Variants in PHLPP1 observed in about 807,000 individuals in gnomAD.
The protein encoded by PHLPP1 is PH domain leucine-rich repeat-containing protein phosphatase 1.
In PHLPP1, 42 loss-of-function variants were observed where a neutral mutation model predicts 117.2. The observed-to-expected ratio is 0.36, with a 90% CI of 0.28 to 0.46. The LOEUF (loss-of-function observed/expected upper bound fraction) is 0.46, where lower values mean the gene tolerates loss of function less well. Ranked by LOEUF, PHLPP1 falls within the 20% of genes least tolerant of loss-of-function variation. PHLPP1 has a pLI of 1.00. For missense variants in PHLPP1, 2,084 were observed against 2,241.9 expected, an observed-to-expected ratio of 0.93 and a Z score of 1.42; for synonymous variants, 1,042 against 970.7, an observed-to-expected ratio of 1.07 and a Z score of -1.37.
At chr18:62,942,889 GCT>G (rs961485372) in intron 11 of PHLPP1, among the ~76,000 whole-genome samples, 3 of 152,030 alleles carry the variant, frequency 2.0e-5, no homozygotes, top group Non-Finnish European at 2.9e-5. Flanking sequence ...TTAAAGTATT[GCT>G]CTGTTTTTGG....
At chr18:62,849,632 A>G (rs1040568781) in intron 3 of PHLPP1, among the ~76,000 whole-genome samples, 5 of 132,516 alleles carry the variant, frequency 3.8e-5, no homozygotes, top group Admixed American at 8.0e-5. Flanking sequence ...CCTGGATGAT[A>G]GATTGAGATT....
chr18:62,762,653 A>T (rs1326936318), intron 1 of PHLPP1, among the ~76,000 whole-genome samples: 1 of 152,066 alleles, frequency 6.6e-6, no homozygotes, highest in Non-Finnish European at 1.5e-5. Flanking sequence ...ACCTCAAATG[A>T]TCCACCTGCC....
intron 6 of PHLPP1, among the ~76,000 whole-genome samples, chr18:62,899,410 G>GTTCCA (rs1916658404): frequency 6.6e-6 from 1 of 152,088 alleles, no homozygotes; most frequent in Non-Finnish European, 1.5e-5. Context: ...TGCAGAGGCT[G>GTTCCA]TTCCATTGCT....
chr18:62,821,129 T>A (rs1914441430), intron 1 of PHLPP1, among the ~76,000 whole-genome samples: 1 of 152,036 alleles, frequency 6.6e-6, no homozygotes, highest in South Asian at 2.1e-4. Flanking sequence ...AAGAAGAGAA[T>A]CTCAAAATTA....
intron 13 of PHLPP1, among the ~76,000 whole-genome samples, chr18:62,959,618 T>A (rs914624551): frequency 1.3e-5 from 2 of 152,216 alleles, no homozygotes; most frequent in Admixed American, 1.3e-4. Flanking sequence ...CATACATTAG[T>A]CATTATGCAT....
chr18:62,853,468 C>T (rs1015813971), intron 3 of PHLPP1, among the ~76,000 whole-genome samples: 2 of 151,662 alleles, frequency 1.3e-5, no homozygotes, highest in African/African-American at 4.8e-5. Context: ...CTCTCGGGTT[C>T]AAGCGATTCT....
chr18:62,963,321 A>T, intron 13 of PHLPP1, 47 bp from the exon 14 acceptor site: 1 of 1,286,752 alleles, frequency 7.8e-7, no homozygotes. Flanking sequence ...CAATTTGCAC[A>T]CATTTGGTTT....
At chr18:62,878,733 C>T (rs1291374747) in intron 4 of PHLPP1, among the ~76,000 whole-genome samples, 1 of 151,892 alleles carries the variant, frequency 6.6e-6, no homozygotes, top group Non-Finnish European at 1.5e-5. Context: ...TGTTTTTTTC[C>T]CCTAATTTTA....
In PHLPP1 at chr18:62,716,203, A is replaced by T. The variant is rs770457366; in HGVS notation, c.520A>T (p.Arg174Trp). 68 of 1,525,934 alleles carry T rather than the reference A, an allele frequency of 4.5e-5. No homozygotes were observed. The South Asian group carries it at 7.9e-4, about 18-fold the overall frequency. 94.5% of individuals were successfully genotyped at this position (1,525,934 alleles called of 1,614,324 possible). A position where few individuals can be genotyped will look rare whatever the true frequency, so the allele number is the denominator to read the frequency against. Residue 174 changes from arginine to tryptophan, a missense_variant, in exon 1 of 17, where the codon AGG becomes TGG. This residue lies in a region of PHLPP1 where 719 missense variants were observed against 636.0 expected (regional missense o/e 1.13). Coordinates refer to ENST00000262719, the MANE Select transcript of PHLPP1 (RefSeq NM_194449.4). The surrounding 1 kb of genome is among the most constrained non-coding windows in gnomAD (Gnocchi z 5.7). The part of the protein sequence containing the change: ...SASLCTRSLD[R>W]KTLLLKHRQT... ...GTCGCTGTGCACCCGGAGCCTGGAC[A>T]GGAAGACGCTGCTTCTGAAGCACCG... is the stretch of plus-strand genomic sequence containing the variant.
intron 1 of PHLPP1, 113 bp downstream of exon 1, chr18:62,717,372 GTCTT>G (rs1910790264): frequency 7.3e-7 from 1 of 1,378,778 alleles, no homozygotes; most frequent in Admixed American, 2.7e-5. Context: ...GTCCTGATGA[GTCTT>G]TGTCTTAAAC....
chr18:62,786,725 C>T (rs1311673332), intron 1 of PHLPP1, among the ~76,000 whole-genome samples: 1 of 152,204 alleles, frequency 6.6e-6, no homozygotes. Context: ...AGTAGCTACA[C>T]TTAGTAGAAT....
chr18:62,795,510 A>C (rs1449546579), intron 1 of PHLPP1, among the ~76,000 whole-genome samples: 1 of 151,564 alleles, frequency 6.6e-6, no homozygotes, highest in South Asian at 2.1e-4. Flanking sequence ...AAAAAAAAAA[A>C]AAACAACAAC....
intron 1 of PHLPP1, among the ~76,000 whole-genome samples, chr18:62,764,601 A>C (rs769508429): frequency 4.0e-5 from 6 of 151,022 alleles, no homozygotes; most frequent in Non-Finnish European, 8.8e-5. Flanking sequence ...AAAATACAAA[A>C]ATTAGCTGGG....
chr18:62,766,487 T>A (rs1159437174), intron 1 of PHLPP1, among the ~76,000 whole-genome samples: 1 of 152,076 alleles, frequency 6.6e-6, no homozygotes, highest in Non-Finnish European at 1.5e-5. Context: ...TCTGCTGTGC[T>A]TGTTCACGCT....
chr18:62,904,580 G>C (rs1229283752), intron 7 of PHLPP1, among the ~76,000 whole-genome samples: 2 of 152,218 alleles, frequency 1.3e-5, no homozygotes, highest in African/African-American at 4.8e-5. Context: ...GGGAAGTAAG[G>C]TAACTGGAAG....
intron 1 of PHLPP1, among the ~76,000 whole-genome samples, chr18:62,814,128 C>T (rs1441221023): frequency 2.0e-5 from 3 of 152,028 alleles, no homozygotes; most frequent in Non-Finnish European, 4.4e-5. Flanking sequence ...GACATTTGTC[C>T]AGGATAAGTG....
intron 4 of PHLPP1, among the ~76,000 whole-genome samples, chr18:62,861,073 G>A (rs1915620234): frequency 6.6e-6 from 1 of 152,048 alleles, no homozygotes; most frequent in African/African-American, 2.4e-5. Flanking sequence ...TAGTGTGTGG[G>A]TTTCAGGAGT....
intron 11 of PHLPP1, among the ~76,000 whole-genome samples, chr18:62,944,210 A>G (rs896398889): frequency 3.3e-5 from 5 of 152,210 alleles, no homozygotes; most frequent in African/African-American, 1.2e-4. Flanking sequence ...GGAGTCTAAC[A>G]TCAGCAGGAG....
intron 4 of PHLPP1, among the ~76,000 whole-genome samples, chr18:62,865,426 T>C (rs1184259552): frequency 6.6e-6 from 1 of 152,192 alleles, no homozygotes; most frequent in African/African-American, 2.4e-5. Context: ...TATCATTTTG[T>C]TTGTTTGTTT....
Sources: allele counts gnomAD v4.1 joint callset (sites outside exome capture counted in the v4.1 genomes callset), GRCh38; gene constraint gnomAD v4.1.1; regional missense constraint gnomAD v4.1.1; non-coding constraint Gnocchi (gnomAD v3.1); transcripts MANE v1.5; gene names NCBI Gene and HGNC (gene_info 2026-07-23, HGNC 2026-07-21).